The following ANK2 variants were observed in gnomAD, a reference collection of about 807,000 sequenced individuals.
The protein encoded by ANK2 is ankyrin-2.
Under a neutral mutation model 360.5 loss-of-function variants are expected in ANK2, and 83 were observed. That is an observed-to-expected ratio of 0.23 (90% CI 0.19 to 0.28). ANK2 has a LOEUF of 0.28. Among genes scored for constraint, ANK2 ranks in the 10% least tolerant of loss-of-function variants. The probability of loss-of-function intolerance (pLI) is 1.00; values close to 1 mark genes in which losing one functional copy is unlikely to be tolerated. For synonymous variants in ANK2, 1,740 were observed against 1,759.5 expected (o/e 0.99, Z 0.28); for missense variants, 4,201 against 4,795.7 (o/e 0.88, Z 3.66).
chr4:113,169,243 T>C (rs2097858208), intron 1 of ANK2, among the ~76,000 whole-genome samples: 1 of 152,138 alleles, frequency 6.6e-6, no homozygotes, highest in Non-Finnish European at 1.5e-5. Context: ...GATAAGGAAA[T>C]TGAGACATAC....
chr4:112,878,561 G>T (rs549459917), intron 1 of ANK2, among the ~76,000 whole-genome samples: 116 of 152,196 alleles, frequency 7.6e-4, no homozygotes, highest in African/African-American at 2.3e-3. Flanking sequence ...CCTGACCTCA[G>T]GTGATCCACC....
chr4:113,234,329 A>C (rs1356094288), intron 5 of ANK2, among the ~76,000 whole-genome samples: 1 of 152,234 alleles, frequency 6.6e-6, no homozygotes, highest in Non-Finnish European at 1.5e-5. Flanking sequence ...GTCTTTTGCA[A>C]ATAAATCATG....
chr4:113,067,275 A>AT (rs1187096588), intron 1 of ANK2, among the ~76,000 whole-genome samples: 3 of 152,140 alleles, frequency 2.0e-5, no homozygotes, highest in Admixed American at 2.0e-4. Context: ...GAATAGGGAA[A>AT]TTAGTCTGCT....
intron 2 of ANK2, among the ~76,000 whole-genome samples, chr4:112,972,626 T>A (rs911646261): frequency 2.6e-5 from 4 of 152,142 alleles, no homozygotes; most frequent in Non-Finnish European, 5.9e-5. Context: ...ATATGGGGTG[T>A]GATAGTAATC....
At chr4:113,164,709 G>A (rs376113212) in intron 1 of ANK2, among the ~76,000 whole-genome samples, 1 of 152,204 alleles carries the variant, frequency 6.6e-6, no homozygotes, top group East Asian at 1.9e-4. Context: ...TTTTCACTTG[G>A]TTGGGTTTGT....
At chr4:113,368,893 T>C (rs2096631554) in intron 42 of ANK2, among the ~76,000 whole-genome samples, 1 of 152,172 alleles carries the variant, frequency 6.6e-6, no homozygotes, top group Admixed American at 6.5e-5. Context: ...GAGTGATAGA[T>C]TGCACTGAAT....
At chr4:113,133,928 A>C (rs2096233003) in intron 1 of ANK2, among the ~76,000 whole-genome samples, 1 of 152,180 alleles carries the variant, frequency 6.6e-6, no homozygotes, top group Non-Finnish European at 1.5e-5. Flanking sequence ...ACCAAGTTAC[A>C]CAAAAATATT....
intron 1 of ANK2, among the ~76,000 whole-genome samples, chr4:113,142,025 T>C (rs1472840100): frequency 1.3e-5 from 2 of 152,222 alleles, no homozygotes; most frequent in African/African-American, 4.8e-5. Context: ...GCTCTAAGTG[T>C]GGTCAAACAT....
chr4:113,095,241 T>C (rs939436524), intron 1 of ANK2, among the ~76,000 whole-genome samples: 1 of 152,234 alleles, frequency 6.6e-6, no homozygotes, highest in Admixed American at 6.5e-5. Context: ...ATTGATTTTC[T>C]TTTTCTAGAA....
chr4:112,907,343 C>T (rs2085578133), intron 2 of ANK2, among the ~76,000 whole-genome samples: 1 of 152,200 alleles, frequency 6.6e-6, no homozygotes, highest in Admixed American at 6.5e-5. Context: ...CTTTGTAAGA[C>T]TGAAGGGATC....
Position 113,382,513 on chromosome 4 carries a change from C to T in ANK2, c.*1042C>T, listed in dbSNP as rs1032665907. The T allele has an allele frequency of 2.0e-5, 3 of 152,666 alleles. No homozygotes were observed. The highest frequency in any genetic ancestry group is 6.5e-5 in the Admixed American group (1 of 15,270). 9.5% of individuals were successfully genotyped at this position (152,666 alleles called of 1,614,324 possible). A position where few individuals can be genotyped will look rare whatever the true frequency, so the allele number is the denominator to read the frequency against. On this transcript the variant is annotated 3_prime_UTR_variant, in exon 46 of 46. Coordinates refer to ENST00000357077, the MANE Select transcript of ANK2 (RefSeq NM_001148.6). ...TTTTCATTGCTGCTTTAGCAAACCA[C>T]GCTGTCTTACAGTGGTACTTTCTTC...
chr4:113,357,359 C>T lies in ANK2; in HGVS notation c.8741C>T (p.Ala2914Val), dbSNP rs772241625. The change falls in exon 38 of 46, where the codon GCT becomes GTT. Residue 2914 changes from alanine (A) to valine (V), a missense_variant. By Grantham distance (64) the Ala-to-Val change is moderately conservative. Around this residue, in one of 4 missense-constraint regions of ANK2, gnomAD observed 2,642 missense variants for 2,714.5 expected, o/e 0.97. Coordinates refer to ENST00000357077, the MANE Select transcript of ANK2 (RefSeq NM_001148.6). ...ATGGATGTTCCCGTGTCTGACCTAG[C>T]TGAGAATGATGAAATCTATGATCCA... ...FSMDVPVSDL[A>V]ENDEIYDPQI... is the part of the protein sequence containing the mutation. The T allele has an allele frequency of 9.3e-6, 15 of 1,614,032 alleles. No individual in the cohort carries two copies. Among genetic ancestry groups the T allele is most frequent in the Non-Finnish European group, 1.3e-5 (15 of 1,179,978 alleles).
At chr4:113,275,298 C>G (rs923670235) in intron 15 of ANK2, among the ~76,000 whole-genome samples, 1 of 152,084 alleles carries the variant, frequency 6.6e-6, no homozygotes, top group Non-Finnish European at 1.5e-5. Context: ...TTTTCCCATG[C>G]TTTATACATG....
rs188408948 is a variant in ANK2 at position 113,082,277 on chromosome 4, A to T, written c.84+32465A>T. On this transcript the variant is annotated intron_variant, in intron 1 of 45. Coordinates refer to ENST00000357077, the MANE Select transcript of ANK2 (RefSeq NM_001148.6). ...AATAACTCAGGCTTCATTTGGTATA[A>T]AAACGCCTTCCTATTTCAAACTTGT... Among the ~76,000 whole-genome samples the T allele has an allele frequency of 2.6e-5, 4 of 152,286 alleles. No individual in the cohort carries two copies. The East Asian group carries it at 7.7e-4, about 29-fold the overall frequency.
chr4:113,196,229 T>G (rs776478212), intron 2 of ANK2, 139 bp from the exon 3 acceptor site: 13 of 675,062 alleles, frequency 1.9e-5, no homozygotes, highest in Admixed American at 1.3e-4. Context: ...AATTAATAGA[T>G]TCAAGATTCT....
intron 2 of ANK2, among the ~76,000 whole-genome samples, chr4:113,010,112 T>C (rs1368926417): frequency 6.6e-6 from 1 of 152,188 alleles, no homozygotes; most frequent in African/African-American, 2.4e-5. Context: ...TTTGCCTGGT[T>C]TCTCTTTTTG....
chr4:112,816,078 T>C (rs2055599172), upstream of ANK2, among the ~76,000 whole-genome samples: 1 of 152,190 alleles, frequency 6.6e-6, no homozygotes, highest in Non-Finnish European at 1.5e-5. Context: ...TTGTGATTTT[T>C]ATTTGAAGTT....
chr4:113,156,958 G>C (rs912369294), intron 1 of ANK2, among the ~76,000 whole-genome samples: 2 of 151,856 alleles, frequency 1.3e-5, no homozygotes, highest in Non-Finnish European at 2.9e-5. Context: ...TCCTTTTTAA[G>C]AGAAGGGAGA....
intron 1 of ANK2, among the ~76,000 whole-genome samples, chr4:113,171,216 T>C (rs1350010182): frequency 1.3e-5 from 2 of 152,210 alleles, no homozygotes; most frequent in Non-Finnish European, 2.9e-5. Flanking sequence ...AAAATTGCTG[T>C]ATCTCTCTCC....
Sources: allele counts gnomAD v4.1 joint callset (sites outside exome capture counted in the v4.1 genomes callset), GRCh38; gene constraint gnomAD v4.1.1; regional missense constraint gnomAD v4.1.1; transcripts MANE v1.5; gene names NCBI Gene and HGNC (gene_info 2026-07-23, HGNC 2026-07-21).